RGS7: variants seen among roughly 807,000 people sequenced by gnomAD.
RGS7 encodes regulator of G protein signaling 7.
In RGS7, 27 loss-of-function variants were observed where a neutral mutation model predicts 81.1. That is an observed-to-expected ratio of 0.33 (90% confidence interval 0.25 to 0.46). RGS7 has a LOEUF of 0.46. Ranked by LOEUF, RGS7 falls within the 20% of genes least tolerant of loss-of-function variation. The pLI is 1.00. For missense variants in RGS7, 396 were observed against 607.4 expected (o/e 0.65, Z 3.66); for synonymous variants, 208 against 207.7 (o/e 1.00, Z -0.01).
At chr1:241,235,886 G>A (rs2075935013) in intron 2 of RGS7, among the ~76,000 whole-genome samples, 1 of 136,468 alleles carries the variant, frequency 7.3e-6, no homozygotes, top group Non-Finnish European at 1.7e-5. Flanking sequence ...AGATACAAGG[G>A]TGAACCCCTA....
At position 240,870,078 on chromosome 1, in the gene RGS7, G is replaced by A. The variant is rs1395888367; in HGVS notation, c.427C>T (p.Leu143=). 3 of 1,613,954 alleles carry A rather than the reference G, an allele frequency of 1.9e-6. No homozygotes were observed. Among genetic ancestry groups the A allele is most frequent in the Non-Finnish European group, 1.7e-6 (2 of 1,179,998 alleles). The change falls in exon 7 of 19, where the codon CTG becomes TTG. Residue 143 remains leucine (L), a synonymous_variant. Transcript: ENST00000440928. ...ACAGCCTCATAGTCTGCGAGCTCCA[G>A]TCGTGCCTTGTTTTGCATTGTTCTC... is the stretch of plus-strand genomic sequence containing the variant. ...CKRTMQNKAR[L]ELADYEAESL...
At chr1:241,220,894 G>C (rs1308556835) in intron 2 of RGS7, among the ~76,000 whole-genome samples, 1 of 150,518 alleles carries the variant, frequency 6.6e-6, no homozygotes, top group Non-Finnish European at 1.5e-5. Context: ...GACAGAGAGA[G>C]AGAGATGAAA....
At position 241,281,050 on chromosome 1, in the gene RGS7, T is replaced by C. The variant is rs1433179189; in HGVS notation, c.78+74649A>G. Among the ~76,000 whole-genome samples the C allele has an allele frequency of 2.0e-5, 3 of 150,698 alleles. No individual in the cohort carries two copies. The East Asian group carries it at 5.8e-4, about 29-fold the overall frequency. On this transcript the variant is annotated intron_variant, in intron 2 of 18. Transcript: ENST00000440928. ...AGATGAACCACATAGTCTAGAAATA[T>C]AAAAAAAAATAAGAAAAAGTTAGGT...
At position 241,229,484 on chromosome 1, in the gene RGS7, CCA is replaced by C. The variant is rs531097904; in HGVS notation, c.78+126213_78+126214del. On this transcript the variant is annotated intron_variant, in intron 2 of 18. Transcript: ENST00000440928. ...TTAGAGGGTAGACTTCCTCCACACTCCAGTCATCCGGTGCCATCTGTCTGTGG... is the reference window on the plus strand; with the variant it reads ...TTAGAGGGTAGACTTCCTCCACACTCGTCATCCGGTGCCATCTGTCTGTGG... 4.2e-4 allele frequency among the ~76,000 whole-genome samples: 64 copies of C among 152,376 alleles called. No individual in the cohort carries two copies. The South Asian group carries it at 0.013, about 31-fold the overall frequency.
chr1:240,978,448 T>A (rs1467646087), intron 4 of RGS7, among the ~76,000 whole-genome samples: 4 of 151,982 alleles, frequency 2.6e-5, no homozygotes, highest in African/African-American at 9.7e-5. Flanking sequence ...AATAGAGAAC[T>A]AGAAAAAAAT....
intron 3 of RGS7, among the ~76,000 whole-genome samples, chr1:241,016,355 TA>T (rs575412208): frequency 0.011 from 1,700 of 151,926 alleles, 24 homozygotes; most frequent in Non-Finnish European, 0.019. Flanking sequence ...CTGTCTCTAC[TA>T]AAAATACAAA....
At chr1:241,225,506 G>A (rs2075264329) in intron 2 of RGS7, among the ~76,000 whole-genome samples, 2 of 152,206 alleles carry the variant, frequency 1.3e-5, no homozygotes, top group Non-Finnish European at 2.9e-5. Flanking sequence ...GTTCACTGCT[G>A]TATCCTCAGC....
At chr1:241,140,011 G>A (rs1285130254) in intron 2 of RGS7, among the ~76,000 whole-genome samples, 1 of 152,102 alleles carries the variant, frequency 6.6e-6, no homozygotes, top group African/African-American at 2.4e-5. Context: ...GAACAGCCCT[G>A]CAGAGGAAGA....
chr1:241,110,154 A>C (rs2065416218), intron 2 of RGS7, among the ~76,000 whole-genome samples: 1 of 152,086 alleles, frequency 6.6e-6, no homozygotes, highest in African/African-American at 2.4e-5. Flanking sequence ...GTCTACCTCC[A>C]AATTATCTCT....
intron 4 of RGS7, among the ~76,000 whole-genome samples, chr1:240,966,596 T>A (rs1682339029): frequency 6.6e-6 from 1 of 152,180 alleles, no homozygotes; most frequent in Non-Finnish European, 1.5e-5. Flanking sequence ...TTCTATGGAA[T>A]AAAAGCAGCC....
At chr1:240,836,739 G>A (rs1694795278) in intron 9 of RGS7, among the ~76,000 whole-genome samples, 1 of 152,178 alleles carries the variant, frequency 6.6e-6, no homozygotes, top group Non-Finnish European at 1.5e-5. Context: ...CCCTTGGCCT[G>A]TCCTTTTGTG....
chr1:240,981,922 T>C (rs1684970096), intron 4 of RGS7, among the ~76,000 whole-genome samples: 1 of 152,224 alleles, frequency 6.6e-6, no homozygotes, highest in Non-Finnish European at 1.5e-5. Flanking sequence ...GAACCACAGC[T>C]ATGCCGAGTT....
At chr1:240,963,139 T>C (rs2148481331) in intron 4 of RGS7, among the ~76,000 whole-genome samples, 1 of 151,314 alleles carries the variant, frequency 6.6e-6, no homozygotes, top group East Asian at 1.9e-4. Flanking sequence ...GAATGAGGAG[T>C]GAGATAGTGG....
intron 2 of RGS7, among the ~76,000 whole-genome samples, chr1:241,280,638 C>G (rs1209357769): frequency 1.6e-4 from 24 of 152,166 alleles, no homozygotes; most frequent in Admixed American, 1.3e-3. Flanking sequence ...GCTGGGACTA[C>G]AGGTGTACAT....
chr1:241,086,918 A>T (rs1183739928), intron 3 of RGS7, among the ~76,000 whole-genome samples: 1 of 152,198 alleles, frequency 6.6e-6, no homozygotes, highest in East Asian at 1.9e-4. Flanking sequence ...AGGCTTTACA[A>T]TGAAGCTCTG....
intron 10 of RGS7, chr1:240,823,279 C>A: frequency 1.6e-6 from 1 of 629,194 alleles, no homozygotes; most frequent in Non-Finnish European, 3.0e-6. Context: ...ACTTCCGACA[C>A]TGGCCCAACC....
At chr1:240,823,427 GCCTCA>G in intron 10 of RGS7, 1 of 377,564 alleles carries the variant, frequency 2.6e-6, no homozygotes, top group East Asian at 6.7e-5. Context: ...CAGGGCAGAT[GCCTCA>G]CGTTATAGTC....
chr1:240,959,323 G>A (rs1299523402), intron 4 of RGS7, among the ~76,000 whole-genome samples: 2 of 152,110 alleles, frequency 1.3e-5, no homozygotes, highest in Admixed American at 6.6e-5. Flanking sequence ...CGAACTTCAT[G>A]GAGTATACTT....
intron 3 of RGS7, among the ~76,000 whole-genome samples, chr1:241,047,515 T>C (rs534751233): frequency 6.0e-4 from 92 of 152,228 alleles, no homozygotes; most frequent in South Asian, 2.5e-3. Context: ...CATATCTACA[T>C]TATAACCTTT....
Sources: allele counts gnomAD v4.1 joint callset (sites outside exome capture counted in the v4.1 genomes callset), GRCh38; gene constraint gnomAD v4.1.1; transcripts MANE v1.5; gene names NCBI Gene and HGNC (gene_info 2026-07-23, HGNC 2026-07-21).